Variants in FRMD4A observed in about 807,000 individuals in gnomAD.
The protein encoded by FRMD4A is FERM domain-containing protein 4A.
In FRMD4A, 29 loss-of-function variants were observed where a neutral mutation model predicts 129.1. The ratio of observed to expected loss-of-function variants is 0.22; its 90% confidence interval spans 0.17 to 0.31. FRMD4A has a LOEUF of 0.31. FRMD4A is among the 10% of genes least tolerant of loss of function. The probability of loss-of-function intolerance (pLI) is 1.00; values close to 1 mark genes in which losing one functional copy is unlikely to be tolerated. For missense variants in FRMD4A, 1,272 were observed against 1,375.8 expected (o/e 0.92, Z 1.19); for synonymous variants, 634 against 571.6 (o/e 1.11, Z -1.56).
At chr10:13,976,501 C>G (rs2095542555) in intron 2 of FRMD4A, among the ~76,000 whole-genome samples, 1 of 152,040 alleles carries the variant, frequency 6.6e-6, no homozygotes, top group African/African-American at 2.4e-5. Context: ...TGTTTTCTAT[C>G]CCGGCTCCCA....
At chr10:13,790,042 T>C (rs979014319) in intron 5 of FRMD4A, among the ~76,000 whole-genome samples, 3 of 151,970 alleles carry the variant, frequency 2.0e-5, no homozygotes, top group Admixed American at 6.6e-5. Context: ...GAGAGGTTTA[T>C]GGAAGCCCTA....
rs138292322 is a variant in FRMD4A at position 13,987,617 on chromosome 10, G to A, written c.46-128705C>T. Reference sequence around the variant, plus strand: ...AGAATATTCAGAGGTTACAACCTGCGGCCAACAGAGCATTTTGACTCGTTA... The same window carrying A: ...AGAATATTCAGAGGTTACAACCTGCAGCCAACAGAGCATTTTGACTCGTTA... On this transcript the variant is annotated intron_variant, in intron 2 of 24. Transcript: ENST00000357447. 5.3e-5 allele frequency among the ~76,000 whole-genome samples: 8 copies of A among 152,194 alleles called. No homozygotes were observed. The East Asian group carries it at 1.3e-3, about 26-fold the overall frequency.
At chr10:13,788,701 T>C (rs750810122) in intron 5 of FRMD4A, among the ~76,000 whole-genome samples, 3 of 152,172 alleles carry the variant, frequency 2.0e-5, no homozygotes, top group Non-Finnish European at 4.4e-5. Flanking sequence ...CCACCCAAAC[T>C]AGCTCAGATG....
chr10:13,976,079 G>C lies in FRMD4A; in HGVS notation c.46-117167C>G, dbSNP rs1055214899. ...TAGGGAATACCATGTTAGACACCAG[G>C]AAGACAGAGTAAGGAGCAGTCACTG... On this transcript the variant is annotated intron_variant, in intron 2 of 24. Transcript: ENST00000357447. 2.0e-5 allele frequency among the ~76,000 whole-genome samples: 3 copies of C among 152,280 alleles called. No homozygotes were observed. In the South Asian group the frequency reaches 6.2e-4, roughly 32 times the overall value.
At chr10:14,147,373 G>C (rs1840125861) in intron 2 of FRMD4A, among the ~76,000 whole-genome samples, 1 of 152,156 alleles carries the variant, frequency 6.6e-6, no homozygotes, top group Non-Finnish European at 1.5e-5. Context: ...ATCAGGGACT[G>C]GTTTTGTGGA....
At chr10:14,317,755 G>A (rs1244528447) in intron 2 of FRMD4A, among the ~76,000 whole-genome samples, 2 of 21,804 alleles carry the variant, frequency 9.2e-5, no homozygotes, top group Admixed American at 4.5e-4. Context: ...GACAAGAGAC[G>A]GAAAAAAAAA....
chr10:13,891,010 T>C (rs1250159752), intron 2 of FRMD4A: 1 of 203,766 alleles, frequency 4.9e-6, no homozygotes, highest in Non-Finnish European at 8.7e-6. Context: ...GGGAATCTTT[T>C]CTGAATTCAA....
Position 13,931,835 on chromosome 10 carries a change from G to T in FRMD4A, c.46-72923C>A, listed in dbSNP as rs141388495. On this transcript the variant is annotated intron_variant, in intron 2 of 24. Transcript: ENST00000357447. ...GTGTCTGTGTGTGCCTATAATCCCA[G>T]GTACTTGGGAGGCTGAGGCAGGAGA... Among the ~76,000 whole-genome samples, 442 of 150,896 alleles carry T rather than the reference G, an allele frequency of 2.9e-3. 5 individuals carry two copies. The East Asian group carries it at 0.03, about 10-fold the overall frequency.
chr10:14,185,640 G>C (rs561577268), intron 2 of FRMD4A, among the ~76,000 whole-genome samples: 1 of 152,220 alleles, frequency 6.6e-6, no homozygotes, highest in Admixed American at 6.5e-5. Flanking sequence ...TGGTCAGAGA[G>C]CTGCAGGGGC....
intron 2 of FRMD4A, among the ~76,000 whole-genome samples, chr10:13,868,819 C>G (rs2094405614): frequency 6.6e-6 from 1 of 152,058 alleles, no homozygotes; most frequent in Non-Finnish European, 1.5e-5. Flanking sequence ...AAACAAAACA[C>G]ATGCAGGTGT....
At chr10:14,037,901 T>C (rs910582130) in intron 2 of FRMD4A, among the ~76,000 whole-genome samples, 17 of 152,202 alleles carry the variant, frequency 1.1e-4, no homozygotes, top group African/African-American at 4.1e-4. Context: ...ACCAATTCCC[T>C]TTTTTAAACC....
intron 2 of FRMD4A, among the ~76,000 whole-genome samples, chr10:14,237,934 A>G (rs1027049188): frequency 2.2e-4 from 34 of 152,238 alleles, no homozygotes; most frequent in African/African-American, 8.2e-4. Flanking sequence ...TTTCAGCAGC[A>G]TTTGCCTCCT....
intron 2 of FRMD4A, among the ~76,000 whole-genome samples, chr10:14,045,535 TC>T (rs946865768): frequency 7.3e-5 from 11 of 151,472 alleles, no homozygotes; most frequent in Non-Finnish European, 1.2e-4. Context: ...TAAATATGTA[TC>T]GTTATTGAAT....
intron 2 of FRMD4A, among the ~76,000 whole-genome samples, chr10:14,241,683 TAAAAAAAAAAAAAAAAAAAA>T (rs71388168): frequency 1.0e-3 from 24 of 23,416 alleles, no homozygotes; most frequent in African/African-American, 3.3e-3. Context: ...TTACCCTCCC[TAAAAAAAAAAAAAAAAAAAA>T]AAAAAAAAAA....
chr10:13,744,897 C>T (rs564565347), intron 9 of FRMD4A, among the ~76,000 whole-genome samples: 1 of 152,322 alleles, frequency 6.6e-6, no homozygotes, highest in South Asian at 2.1e-4. Context: ...GAAGGAGGAA[C>T]AGCACTTATC....
intron 12 of FRMD4A, among the ~76,000 whole-genome samples, chr10:13,735,327 G>A (rs1290710144): frequency 1.3e-5 from 2 of 152,196 alleles, no homozygotes; most frequent in Non-Finnish European, 2.9e-5. Context: ...TTGGGTTAGA[G>A]ACAATGGCCT....
intron 21 of FRMD4A, among the ~76,000 whole-genome samples, chr10:13,658,147 A>AG (rs2082333815): frequency 1.3e-5 from 2 of 150,980 alleles, no homozygotes; most frequent in Middle Eastern, 3.2e-3. Context: ...AAAAAAAAAA[A>AG]AAAAAAAAAA....
At chr10:13,941,908 T>A (rs1445317182) in intron 2 of FRMD4A, among the ~76,000 whole-genome samples, 1 of 152,212 alleles carries the variant, frequency 6.6e-6, no homozygotes, top group African/African-American at 2.4e-5. Flanking sequence ...TGGTAAGATC[T>A]GTTTTACATT....
chr10:14,315,618 CA>C (rs1846710623), intron 2 of FRMD4A, among the ~76,000 whole-genome samples: 1 of 152,208 alleles, frequency 6.6e-6, no homozygotes, highest in African/African-American at 2.4e-5. Context: ...CCATTGTTTA[CA>C]AGATATGGAT....
Sources: gnomAD v4.1 joint callset for allele counts (sites outside exome capture counted in the v4.1 genomes callset) on GRCh38, gnomAD v4.1.1 for gene constraint, MANE v1.5 for transcripts, NCBI Gene and HGNC (gene_info 2026-07-23, HGNC 2026-07-21) for gene names.